The following MARCHF1 variants were observed in gnomAD, a reference collection of about 807,000 sequenced individuals.
The protein encoded by MARCHF1 is E3 ubiquitin-protein ligase MARCHF1.
Under a neutral mutation model 54.2 loss-of-function variants are expected in MARCHF1, and 40 were observed. That is an observed-to-expected ratio of 0.74 (90% CI 0.57 to 0.96). MARCHF1 has a LOEUF of 0.96. Among genes scored for constraint, MARCHF1 ranks in the 40% least tolerant of loss-of-function variants. The pLI is 0.00. For missense variants in MARCHF1, 586 were observed against 656.5 expected (o/e 0.89, Z 1.17); for synonymous variants, 236 against 236.3 (o/e 1.00, Z 0.01).
At chr4:163,714,612 C>T (rs1745204340) in intron 4 of MARCHF1, among the ~76,000 whole-genome samples, 2 of 152,168 alleles carry the variant, frequency 1.3e-5, no homozygotes, top group South Asian at 4.1e-4. Flanking sequence ...GACATATTAG[C>T]ATAGTCATTC....
intron 5 of MARCHF1, among the ~76,000 whole-genome samples, chr4:163,664,763 CAT>C (rs1212196777): frequency 6.6e-6 from 1 of 151,938 alleles, no homozygotes; most frequent in East Asian, 1.9e-4. Context: ...TGTCTATAAA[CAT>C]ATTAAATTAC....
chr4:164,256,741 G>A (rs976793642), intron 1 of MARCHF1, among the ~76,000 whole-genome samples: 4 of 152,136 alleles, frequency 2.6e-5, no homozygotes, highest in African/African-American at 9.7e-5. Context: ...AACATGACTA[G>A]ACCAACTGCT....
At chr4:164,348,214 A>G (rs1319142637) in intron 1 of MARCHF1, among the ~76,000 whole-genome samples, 1 of 152,146 alleles carries the variant, frequency 6.6e-6, no homozygotes, top group Non-Finnish European at 1.5e-5. Flanking sequence ...AGACTTACTT[A>G]AAAGCATGGA....
intron 5 of MARCHF1, among the ~76,000 whole-genome samples, chr4:163,638,630 A>T (rs1041357380): frequency 6.6e-6 from 1 of 152,108 alleles, no homozygotes; most frequent in Non-Finnish European, 1.5e-5. Flanking sequence ...AAGAAAGGAA[A>T]ATAATTCCCC....
intron 1 of MARCHF1, among the ~76,000 whole-genome samples, chr4:164,232,934 C>A (rs891199118): frequency 2.0e-5 from 3 of 152,100 alleles, no homozygotes; most frequent in African/African-American, 7.2e-5. Context: ...ATGAGTTTTT[C>A]TCAACACTAT....
At chr4:163,609,602 T>C (rs1054930682) in intron 7 of MARCHF1, among the ~76,000 whole-genome samples, 4 of 130,186 alleles carry the variant, frequency 3.1e-5, no homozygotes, top group East Asian at 4.2e-4. Flanking sequence ...TTAGAAAAGG[T>C]CTTTCTGTGT....
In MARCHF1 at chr4:164,307,346, A is replaced by G. The variant is rs72991307; in HGVS notation, c.-323+76524T>C. ...AATCATTTCTGATGCATTAAAGAGG[A>G]TGGAGCTGCTGGAACTCTGAGCACA... is the stretch of plus-strand genomic sequence containing the variant. On this transcript the variant is annotated intron_variant, in intron 1 of 9. Transcript: ENST00000514618. Among the ~76,000 whole-genome samples the G allele has an allele frequency of 7.5e-3, 1,136 of 152,364 alleles. 13 individuals are homozygous for G. Among genetic ancestry groups the G allele is most frequent in the African/African-American group, 0.026 (1,095 of 41,576 alleles).
Position 163,666,474 on chromosome 4 carries a change from C to T in MARCHF1, c.162+34339G>A, listed in dbSNP as rs1743536934. The stretch of plus-strand genomic sequence containing the variant: ...AATGTTGCAGCAATAGGGATTATTT[C>T]ATGCACTTATTATCCAGAATTTTTT... On this transcript the variant is annotated intron_variant, in intron 5 of 9. Transcript: ENST00000514618. 2.0e-5 allele frequency among the ~76,000 whole-genome samples: 3 copies of T among 152,088 alleles called. No homozygotes were observed. The East Asian group carries it at 5.8e-4, about 29-fold the overall frequency.
chr4:163,547,827 C>T (rs1416001677), intron 8 of MARCHF1, among the ~76,000 whole-genome samples: 1 of 152,206 alleles, frequency 6.6e-6, no homozygotes, highest in Non-Finnish European at 1.5e-5. Flanking sequence ...ATCCCTTCCT[C>T]TCCTCCTACT....
intron 2 of MARCHF1, among the ~76,000 whole-genome samples, chr4:164,029,787 G>T (rs138761594): frequency 6.6e-6 from 1 of 151,912 alleles, no homozygotes; most frequent in African/African-American, 2.4e-5. Flanking sequence ...TAGAGACAGC[G>T]TTTCACCGTG....
At position 163,752,414 on chromosome 4, in the gene MARCHF1, C is replaced by T. The variant is rs560627988; in HGVS notation, c.112-51551G>A. On this transcript the variant is annotated intron_variant, in intron 4 of 9. Transcript: ENST00000514618. ...TAGGAAGGCAGTGTGGTATACAACA[C>T]AAGCACATAGATTCTGAAGCCAGCC... Among the ~76,000 whole-genome samples the T allele has an allele frequency of 4.6e-5, 7 of 152,294 alleles. No individual in the cohort carries two copies. In the South Asian group the frequency reaches 1.4e-3, roughly 32 times the overall value.
rs1755302438 is a variant in MARCHF1, at chr4:164,091,523, G to A, written c.-248+20065C>T. On this transcript the variant is annotated intron_variant, in intron 2 of 9. Coordinates refer to ENST00000514618, the MANE Select transcript of MARCHF1 (RefSeq NM_001394959.1). The stretch of plus-strand genomic sequence containing the variant: ...TTAAGAATACATAGTTTCCTAACAG[G>A]TGAGTTAAAGAAAAATGCAAATATT... 2.7e-5 allele frequency among the ~76,000 whole-genome samples: 4 copies of A among 150,782 alleles called. No homozygotes were observed. In the South Asian group the frequency reaches 8.3e-4, roughly 31 times the overall value.
intron 4 of MARCHF1, among the ~76,000 whole-genome samples, chr4:163,750,092 T>C (rs1746477353): frequency 6.6e-6 from 1 of 151,118 alleles, no homozygotes; most frequent in Admixed American, 6.6e-5. Context: ...CTCTTCCTCT[T>C]TCTCTATTTA....
At chr4:163,547,308 T>C (rs1356447448) in intron 8 of MARCHF1, among the ~76,000 whole-genome samples, 1 of 152,238 alleles carries the variant, frequency 6.6e-6, no homozygotes, top group Non-Finnish European at 1.5e-5. Context: ...AACAAACTAA[T>C]TCATTAGAGT....
chr4:163,671,834 A>AT (rs566922360), intron 5 of MARCHF1, among the ~76,000 whole-genome samples: 1 of 151,854 alleles, frequency 6.6e-6, no homozygotes. Flanking sequence ...GAAAGGTACT[A>AT]TTTTTTTTCT....
At chr4:163,947,749 G>C (rs138584706) in intron 3 of MARCHF1, among the ~76,000 whole-genome samples, 1 of 152,318 alleles carries the variant, frequency 6.6e-6, no homozygotes, top group Non-Finnish European at 1.5e-5. Flanking sequence ...GAAACTAGTA[G>C]CGTAGCTTAT....
chr4:163,889,172 C>T (rs1750601584), intron 3 of MARCHF1, among the ~76,000 whole-genome samples: 1 of 152,120 alleles, frequency 6.6e-6, no homozygotes, highest in Non-Finnish European at 1.5e-5. Flanking sequence ...ACATATATTA[C>T]ATTAAAATAA....
At chr4:163,698,588 C>T (rs1744706889) in intron 5 of MARCHF1, among the ~76,000 whole-genome samples, 2 of 152,034 alleles carry the variant, frequency 1.3e-5, no homozygotes, top group Admixed American at 6.6e-5. Context: ...AATTGTCTCC[C>T]ACACAGAAGT....
intron 2 of MARCHF1, among the ~76,000 whole-genome samples, chr4:164,096,965 G>C (rs1755428592): frequency 6.6e-6 from 1 of 152,016 alleles, no homozygotes; most frequent in Non-Finnish European, 1.5e-5. Flanking sequence ...AAACCCCGGG[G>C]AGTCTACTAA....
Sources: allele counts gnomAD v4.1 joint callset (sites outside exome capture counted in the v4.1 genomes callset), GRCh38; gene constraint gnomAD v4.1.1; transcripts MANE v1.5; gene names NCBI Gene and HGNC (gene_info 2026-07-23, HGNC 2026-07-21).